The following SGCZ variants were observed in gnomAD, a reference collection of about 807,000 sequenced individuals.
SGCZ encodes the protein sarcoglycan zeta.
SGCZ carries 40 observed loss-of-function variants against 41.3 expected under a neutral mutation model. That is an observed-to-expected ratio of 0.97 (90% CI 0.75 to 1.26). SGCZ has a LOEUF of 1.26. SGCZ is among the 50% of genes most tolerant of loss of function. SGCZ has a pLI of 0.00. For synonymous variants in SGCZ, 206 were observed against 137.5 expected (o/e 1.50, Z -3.49); for missense variants, 552 against 369.8 (o/e 1.49, Z -4.04).
intron 5 of SGCZ, among the ~76,000 whole-genome samples, chr8:14,119,427 C>A (rs1157931025): frequency 6.6e-6 from 1 of 151,998 alleles, no homozygotes; most frequent in African/African-American, 2.4e-5. Context: ...CTGAGAGTTT[C>A]CTGATTTTGC....
chr8:14,428,871 T>C (rs541705185), intron 2 of SGCZ, among the ~76,000 whole-genome samples: 44 of 152,356 alleles, frequency 2.9e-4, no homozygotes, highest in Non-Finnish European at 5.7e-4. Flanking sequence ...CATGTTCATC[T>C]AAAATGTTTA....
chr8:14,218,632 T>G (rs572418509), intron 4 of SGCZ, among the ~76,000 whole-genome samples: 2 of 152,370 alleles, frequency 1.3e-5, no homozygotes, highest in African/African-American at 4.8e-5. Context: ...CTCACTTTAT[T>G]TTTTCTTGCT....
At chr8:14,176,700 G>C (rs1209390427) in intron 4 of SGCZ, among the ~76,000 whole-genome samples, 1 of 152,190 alleles carries the variant, frequency 6.6e-6, no homozygotes, top group Non-Finnish European at 1.5e-5. Flanking sequence ...CTAGGTTCAA[G>C]TGGGTGGGGG....
At chr8:15,217,519 G>A (rs956330352) in intron 1 of SGCZ, among the ~76,000 whole-genome samples, 2 of 150,476 alleles carry the variant, frequency 1.3e-5, no homozygotes, top group Non-Finnish European at 2.9e-5. Context: ...CCAGAAAGCT[G>A]GACCTTTGAA....
intron 1 of SGCZ, among the ~76,000 whole-genome samples, chr8:14,578,145 G>C (rs1004814434): frequency 1.3e-5 from 2 of 152,058 alleles, no homozygotes; most frequent in African/African-American, 4.8e-5. Flanking sequence ...ATGCATGTTG[G>C]GAATACACAT....
chr8:14,199,853 C>T (rs1431895093), intron 4 of SGCZ, among the ~76,000 whole-genome samples: 2 of 152,024 alleles, frequency 1.3e-5, no homozygotes, highest in African/African-American at 4.8e-5. Context: ...TTTTGAAGAT[C>T]TAAGATCTTA....
At chr8:14,744,675 T>C (rs1799292600) in intron 1 of SGCZ, among the ~76,000 whole-genome samples, 1 of 152,136 alleles carries the variant, frequency 6.6e-6, no homozygotes, top group Non-Finnish European at 1.5e-5. Flanking sequence ...GAAAGCTTAA[T>C]AGTAACACTT....
At chr8:15,025,087 G>C (rs1328073836) in intron 1 of SGCZ, among the ~76,000 whole-genome samples, 1 of 151,174 alleles carries the variant, frequency 6.6e-6, no homozygotes, top group Non-Finnish European at 1.5e-5. Context: ...ACCTAAAAGA[G>C]ACTCATTTTA....
intron 7 of SGCZ, among the ~76,000 whole-genome samples, chr8:14,093,508 G>A (rs917872163): frequency 2.6e-5 from 4 of 151,942 alleles, no homozygotes; most frequent in Admixed American, 2.0e-4. Context: ...CTCAAAAATA[G>A]CAAAAGCACT....
In SGCZ at chr8:14,090,136, A is replaced by G. The variant is rs1454727006; in HGVS notation, c.*307T>C. ...GCAGTTCATATCCAGGTCCTGCAAA[A>G]ATCTAAAACTGTGTGCTTCACTTCG... On this transcript the variant is annotated 3_prime_UTR_variant, in exon 8 of 8. Coordinates refer to ENST00000382080, the MANE Select transcript of SGCZ (RefSeq NM_139167.4). 1 of 216,724 alleles carries G rather than the reference A, an allele frequency of 4.6e-6. No individual in the cohort carries two copies. The highest frequency in any genetic ancestry group is 9.7e-5 in the East Asian group (1 of 10,310). 13.4% of individuals were successfully genotyped at this position (216,724 alleles called of 1,614,324 possible).
At chr8:14,577,459 G>C (rs1804747064) in intron 1 of SGCZ, among the ~76,000 whole-genome samples, 4 of 148,764 alleles carry the variant, frequency 2.7e-5, no homozygotes, top group Admixed American at 1.3e-4. Flanking sequence ...CGCAATCTCG[G>C]TTCACTGCAA....
intron 1 of SGCZ, among the ~76,000 whole-genome samples, chr8:14,566,017 C>A (rs940816810): frequency 6.6e-6 from 1 of 152,016 alleles, no homozygotes; most frequent in African/African-American, 2.4e-5. Context: ...ATGGGAAATT[C>A]GTTCTGCTTT....
At chr8:14,318,568 G>A (rs1163924248) in intron 3 of SGCZ, among the ~76,000 whole-genome samples, 4 of 151,858 alleles carry the variant, frequency 2.6e-5, no homozygotes, top group Admixed American at 1.3e-4. Flanking sequence ...GAGAGTGCTA[G>A]AAAAAGCTCA....
intron 1 of SGCZ, among the ~76,000 whole-genome samples, chr8:14,685,365 G>C (rs999584651): frequency 6.6e-6 from 1 of 152,082 alleles, no homozygotes; most frequent in Non-Finnish European, 1.5e-5. Context: ...TAGAAGTCTA[G>C]CTTGAGCTAT....
intron 2 of SGCZ, among the ~76,000 whole-genome samples, chr8:14,447,771 G>A (rs185693856): frequency 2.0e-5 from 3 of 152,186 alleles, no homozygotes; most frequent in South Asian, 2.1e-4. Context: ...GCTTTATCTC[G>A]GCAATGCTTT....
chr8:14,207,841 A>G (rs1247816644), intron 4 of SGCZ, among the ~76,000 whole-genome samples: 3 of 152,170 alleles, frequency 2.0e-5, no homozygotes, highest in East Asian at 3.9e-4. Context: ...TTTGCATAAG[A>G]AAAATATACT....
rs1803122343 is a variant in SGCZ, at chr8:15,018,421, A to G, written c.39+219164T>C. On this transcript the variant is annotated intron_variant, in intron 1 of 7. Transcript: ENST00000382080. Reference sequence around the variant, plus strand: ...TATTACAGTGAAATATGTCTTGATGAAAATGACGAGGCAGTACTCTAAGTT... The same window carrying G: ...TATTACAGTGAAATATGTCTTGATGGAAATGACGAGGCAGTACTCTAAGTT... Among the ~76,000 whole-genome samples the G allele has an allele frequency of 2.6e-5, 4 of 152,222 alleles. No individual in the cohort carries two copies. In the South Asian group the frequency reaches 8.3e-4, roughly 32 times the overall value.
At chr8:14,237,026 T>C (rs1806787818) in intron 4 of SGCZ, among the ~76,000 whole-genome samples, 2 of 152,130 alleles carry the variant, frequency 1.3e-5, no homozygotes, top group African/African-American at 2.4e-5. Context: ...ACTCATGCAA[T>C]TTCTAATTTA....
intron 1 of SGCZ, among the ~76,000 whole-genome samples, chr8:15,157,892 C>A (rs974549874): frequency 6.6e-6 from 1 of 152,210 alleles, no homozygotes; most frequent in Admixed American, 6.5e-5. Flanking sequence ...AACGTAGAGA[C>A]CATCTGGCCT....
Sources: allele counts gnomAD v4.1 joint callset (sites outside exome capture counted in the v4.1 genomes callset), GRCh38; gene constraint gnomAD v4.1.1; transcripts MANE v1.5; gene names NCBI Gene and HGNC (gene_info 2026-07-23, HGNC 2026-07-21).